The following LYRM9 variants were observed in gnomAD, a reference collection of about 807,000 sequenced individuals.
The protein encoded by LYRM9 is LYR motif-containing protein 9.
Under a neutral mutation model 12.6 loss-of-function variants are expected in LYRM9, and 14 were observed. The observed-to-expected ratio is 1.11, with a 90% CI of 0.73 to 1.73. LYRM9 has a LOEUF of 1.73. LYRM9 is among the 40% of genes most tolerant of loss of function. LYRM9 has a pLI of 0.00. For synonymous variants in LYRM9, 42 were observed against 35.1 expected (o/e 1.20, Z -0.69); for missense variants, 94 against 95.0 (o/e 0.99, Z 0.04).
intron 1 of LYRM9, among the ~76,000 whole-genome samples, chr17:27,885,514 C>G (rs951112721): frequency 2.0e-5 from 3 of 151,906 alleles, no homozygotes; most frequent in African/African-American, 7.3e-5. Context: ...AGTTTGAGAC[C>G]AACCTGAGCA....
chr17:27,881,812 CA>C (rs1475534294), intron 2 of LYRM9, among the ~76,000 whole-genome samples: 14 of 55,552 alleles, frequency 2.5e-4, no homozygotes, highest in Middle Eastern at 9.3e-3. Flanking sequence ...CAGTAATATT[CA>C]TTTTTTTTTT....
intron 1 of LYRM9, among the ~76,000 whole-genome samples, chr17:27,887,241 T>C (rs144772117): frequency 6.6e-6 from 1 of 152,270 alleles, no homozygotes; most frequent in African/African-American, 2.4e-5. Flanking sequence ...GTAGAACAAA[T>C]ACCTGAAATT....
chr17:27,880,455 T>C (rs1905012747), intron 2 of LYRM9, 89 bp from the exon 3 acceptor site: 1 of 869,724 alleles, frequency 1.1e-6, no homozygotes, highest in Admixed American at 2.1e-5. Flanking sequence ...GGGACACTGC[T>C]GGGCACTTTA....
rs1485062591 is a variant in LYRM9, at chr17:27,879,482, T to C, written c.228A>G (p.Lys76=). ...CTCACCCTCGGAGCTCTCAGTTTTG[T>C]TTTTTATACTGCAAGACAGAGAGAT... The part of the protein sequence containing the change: ...DADWIMNKYK[K]QN The change falls in exon 4 of 4, where the codon AAA becomes AAG. Residue 76 remains lysine, a synonymous_variant. Coordinates refer to ENST00000379102, the MANE Select transcript of LYRM9 (RefSeq NM_001076680.3). 6.4e-7 allele frequency: 1 copy of C among 1,551,970 alleles called. No homozygotes were observed. The highest frequency in any genetic ancestry group is 2.4e-5 in the East Asian group (1 of 40,970).
intron 3 of LYRM9, chr17:27,879,785 G>A (rs1035199160): frequency 1.6e-5 from 9 of 545,876 alleles, no homozygotes; most frequent in African/African-American, 1.5e-4. Flanking sequence ...CAACTCTCTA[G>A]GTCCTTCTAA....
At position 27,879,245 on chromosome 17, in the gene LYRM9, T is replaced by G. The variant is rs1432777599; in HGVS notation, c.*228A>C. ...ACACACAAAAGAAGCAAAAAAATAC[T>G]ACATTCTCCCCAAATTTCACATCGT... On this transcript the variant is annotated 3_prime_UTR_variant, in exon 4 of 4. Coordinates refer to ENST00000379102, the MANE Select transcript of LYRM9 (RefSeq NM_001076680.3). 6.8e-6 allele frequency: 3 copies of G among 440,660 alleles called. No individual in the cohort carries two copies. Among genetic ancestry groups the G allele is most frequent in the African/African-American group, 6.2e-5 (3 of 48,410 alleles). 27.3% of individuals were successfully genotyped at this position (440,660 alleles called of 1,614,324 possible). A position where few individuals can be genotyped will look rare whatever the true frequency, so the allele number is the denominator to read the frequency against.
rs375205681 is a variant in LYRM9 at position 27,883,341 on chromosome 17, G to A, written c.-18-629C>T. The A allele has an allele frequency of 1.5e-4, 30 of 198,286 alleles. No individual in the cohort carries two copies. The Admixed American group carries it at 1.6e-3, about 10-fold the overall frequency. The allele number at this position is 198,286 out of a possible 1,614,324, so 12.3% of individuals were successfully genotyped here. A position where few individuals can be genotyped will look rare whatever the true frequency, so the allele number is the denominator to read the frequency against. ...AGTTGCTGGACAGAGTCACCACAGCGTGGGCACGTGATTTCATTTCACTAT... is the reference window on the plus strand; with the variant it reads ...AGTTGCTGGACAGAGTCACCACAGCATGGGCACGTGATTTCATTTCACTAT... On this transcript the variant is annotated intron_variant, in intron 1 of 3. Transcript: ENST00000379102.
intron 1 of LYRM9, among the ~76,000 whole-genome samples, chr17:27,887,745 T>C: frequency 6.6e-6 from 1 of 151,832 alleles, no homozygotes; most frequent in Middle Eastern, 3.4e-3. Flanking sequence ...TGTGTGTGTG[T>C]GTGTGTGTGT....
At position 27,886,382 on chromosome 17, in the gene LYRM9, A is replaced by G. The variant is rs1274947037; in HGVS notation, c.-18-3670T>C. On this transcript the variant is annotated intron_variant, in intron 1 of 3. Transcript: ENST00000379102. This position sits in a 1 kb window ranked among gnomAD's most constrained non-coding sequence, Gnocchi z 4.8. ...GCTAAACTAAAAATGTTTTAATTTA[A>G]TTTAAAGCGTAGGTTTGCTATTATT... 6.6e-6 allele frequency among the ~76,000 whole-genome samples: 1 copy of G among 152,240 alleles called. No individual in the cohort carries two copies. Among genetic ancestry groups the G allele is most frequent in the East Asian group, 1.9e-4 (1 of 5,202 alleles).
rs1904955390 is a variant in LYRM9 at position 27,879,329 on chromosome 17, C to T, written c.*144G>A. On this transcript the variant is annotated 3_prime_UTR_variant, in exon 4 of 4. Coordinates refer to ENST00000379102, the MANE Select transcript of LYRM9 (RefSeq NM_001076680.3). ...GCAACATGGCCGCGGCAAGAGGAGCCTCTGGAGCAAGGTCAGCTTCTCCCC... is the reference window on the plus strand; with the variant it reads ...GCAACATGGCCGCGGCAAGAGGAGCTTCTGGAGCAAGGTCAGCTTCTCCCC... 1 of 808,602 alleles carries T rather than the reference C, an allele frequency of 1.2e-6. No individual in the cohort carries two copies. The highest frequency in any genetic ancestry group is 3.5e-5 in the Admixed American group (1 of 28,424). The allele number at this position is 808,602 out of a possible 1,614,324, so 50.1% of individuals were successfully genotyped here.
At chr17:27,889,311 C>CTTT (rs537456506) in intron 1 of LYRM9, among the ~76,000 whole-genome samples, 1 of 144,464 alleles carries the variant, frequency 6.9e-6, no homozygotes, top group Non-Finnish European at 1.5e-5. Context: ...TTTCTTTTTT[C>CTTT]TTTTTTTTTT....
intron 1 of LYRM9, among the ~76,000 whole-genome samples, chr17:27,883,774 A>C (rs34548737): frequency 4.1e-5 from 6 of 144,956 alleles, no homozygotes; most frequent in Non-Finnish European, 9.0e-5. Flanking sequence ...CCAAGATCAC[A>C]CAGCTAATAA....
chr17:27,879,544 A>G, intron 3 of LYRM9, 54 bp from the exon 4 acceptor site: 1 of 1,537,698 alleles, frequency 6.5e-7, no homozygotes, highest in South Asian at 1.2e-5. Context: ...GGGCAGGAGG[A>G]CTCTGGAGAA....
chr17:27,889,344 G>A (rs980410236), intron 1 of LYRM9, among the ~76,000 whole-genome samples: 7 of 147,640 alleles, frequency 4.7e-5, no homozygotes, highest in East Asian at 4.0e-4. Flanking sequence ...TTTCGCTCTC[G>A]TTCCCCAGGC....
intron 1 of LYRM9, among the ~76,000 whole-genome samples, chr17:27,884,695 G>C (rs898088727): frequency 6.6e-6 from 1 of 152,164 alleles, no homozygotes; most frequent in South Asian, 2.1e-4. Flanking sequence ...CGCCTGGCCC[G>C]CAGTGGGCTT....
intron 2 of LYRM9, 33 bp downstream of exon 2, chr17:27,882,536 G>A: frequency 1.3e-6 from 2 of 1,533,510 alleles, no homozygotes; most frequent in Non-Finnish European, 1.8e-6. Flanking sequence ...GCCATTAGAG[G>A]CAGCCCCCAG....
intron 1 of LYRM9, among the ~76,000 whole-genome samples, chr17:27,891,239 CTTCCTGCA>C (rs1189515156): frequency 1.3e-5 from 2 of 152,192 alleles, no homozygotes; most frequent in Non-Finnish European, 2.9e-5. Flanking sequence ...CCTTCCCACA[CTTCCTGCA>C]TTTTAGCCAC....
At chr17:27,879,534 G>A (rs1338230986) in intron 3 of LYRM9, 44 bp from the exon 4 acceptor site, 1 of 1,547,070 alleles carries the variant, frequency 6.5e-7, no homozygotes, top group South Asian at 1.2e-5. Flanking sequence ...AAGCCAACAG[G>A]GGCAGGAGGA....
rs1270317932 is a variant in LYRM9 at position 27,880,366 on chromosome 17, T to C, written c.127A>G (p.Ser43Gly). Residue 43 changes from serine (S) to glycine (G), a missense_variant and splice_region_variant, in exon 3 of 4, where the codon AGT becomes GGT. Transcript: ENST00000379102. ...QQHYKHAVRQ[S>G]FRVHSDEDNP... ...TCTTCATCTGAATGAACCCGAAAACTCTGCAAGTTTAAGCATAAAGAAAGA... is the reference window on the plus strand; with the variant it reads ...TCTTCATCTGAATGAACCCGAAAACCCTGCAAGTTTAAGCATAAAGAAAGA... The C allele has an allele frequency of 6.3e-7, 1 of 1,598,912 alleles. No individual in the cohort carries two copies. The highest frequency in any genetic ancestry group is 1.1e-5 in the South Asian group (1 of 88,392).
Sources: gnomAD v4.1 joint callset for allele counts (sites outside exome capture counted in the v4.1 genomes callset) on GRCh38, gnomAD v4.1.1 for gene constraint, Gnocchi (gnomAD v3.1) non-coding constraint, MANE v1.5 for transcripts, NCBI Gene and HGNC (gene_info 2026-07-23, HGNC 2026-07-21) for gene names.